The following PLEKHG1 variants were observed in gnomAD, a reference collection of about 807,000 sequenced individuals.
The protein encoded by PLEKHG1 is pleckstrin homology and RhoGEF domain containing G1.
PLEKHG1 carries 44 observed loss-of-function variants against 100.8 expected under a neutral mutation model. That is an observed-to-expected ratio of 0.44 (90% confidence interval 0.34 to 0.56). PLEKHG1 has a LOEUF of 0.56. PLEKHG1 is among the 20% of genes least tolerant of loss of function. The pLI is 0.01. For synonymous variants in PLEKHG1, 640 were observed against 662.5 expected (o/e 0.97, Z 0.52); for missense variants, 1,545 against 1,720.9 (o/e 0.90, Z 1.81).
intron 3 of PLEKHG1, among the ~76,000 whole-genome samples, chr6:150,691,072 T>C (rs1473037394): frequency 6.6e-6 from 1 of 152,236 alleles, no homozygotes; most frequent in Non-Finnish European, 1.5e-5. Context: ...ACAGTGAATA[T>C]AGCAGTGACT....
At chr6:150,697,610 C>G (rs1214005771) in intron 3 of PLEKHG1, among the ~76,000 whole-genome samples, 1 of 152,210 alleles carries the variant, frequency 6.6e-6, no homozygotes, top group Non-Finnish European at 1.5e-5. Context: ...GTTGGTCATT[C>G]AGAATTCAGA....
chr6:150,795,513 C>T (rs1036351004), intron 4 of PLEKHG1, among the ~76,000 whole-genome samples: 2 of 152,038 alleles, frequency 1.3e-5, no homozygotes, highest in Non-Finnish European at 2.9e-5. Flanking sequence ...CCCTCCCTGT[C>T]TACATACCTC....
intron 2 of PLEKHG1, among the ~76,000 whole-genome samples, chr6:150,748,615 CTTTTTTTTTTTT>C (rs746682669): frequency 8.5e-6 from 1 of 118,196 alleles, no homozygotes; most frequent in African/African-American, 3.4e-5. Context: ...TACCTTTGAC[CTTTTTTTTTTTT>C]TTTTTTTTTG....
intron 3 of PLEKHG1, among the ~76,000 whole-genome samples, chr6:150,778,615 C>A (rs1785122431): frequency 1.3e-5 from 2 of 152,066 alleles, no homozygotes; most frequent in Non-Finnish European, 2.9e-5. Flanking sequence ...TGTTTATTCA[C>A]ACTTATTAGT....
chr6:150,794,827 T>C (rs1786221013), intron 4 of PLEKHG1, among the ~76,000 whole-genome samples: 1 of 152,016 alleles, frequency 6.6e-6, no homozygotes, highest in Admixed American at 6.6e-5. Flanking sequence ...AACTTGGGGA[T>C]TTATTATACC....
intron 13 of PLEKHG1, among the ~76,000 whole-genome samples, chr6:150,823,288 A>G (rs1776407729): frequency 6.6e-6 from 1 of 152,228 alleles, no homozygotes. Flanking sequence ...TCAAAAAATC[A>G]GCAGAAACAA....
intron 2 of PLEKHG1, among the ~76,000 whole-genome samples, chr6:150,755,924 TGTG>T (rs1783813571): frequency 6.6e-6 from 1 of 152,170 alleles, no homozygotes; most frequent in African/African-American, 2.4e-5. Flanking sequence ...TTTTCCATCT[TGTG>T]GTAGATAGAA....
chr6:150,720,773 G>A (rs909193128), upstream of PLEKHG1, among the ~76,000 whole-genome samples: 1 of 152,220 alleles, frequency 6.6e-6, no homozygotes, highest in African/African-American at 2.4e-5. Context: ...ATTTTATGGA[G>A]TTTAATGAGA....
intron 3 of PLEKHG1, among the ~76,000 whole-genome samples, chr6:150,665,805 C>T (rs1283343290): frequency 6.6e-6 from 1 of 151,630 alleles, no homozygotes; most frequent in African/African-American, 2.4e-5. Flanking sequence ...TGGCATTTGT[C>T]CCTTTATTCC....
chr6:150,732,156 G>A (rs9478807), intron 1 of PLEKHG1, among the ~76,000 whole-genome samples: 28,533 of 151,804 alleles, frequency 0.19, 4,297 homozygotes, highest in African/African-American at 0.41. Context: ...TAGTAGAGAC[G>A]AGGTTTCACC....
intron 3 of PLEKHG1, among the ~76,000 whole-genome samples, chr6:150,695,714 AAAAC>A (rs1471934541): frequency 2.6e-5 from 4 of 152,222 alleles, no homozygotes; most frequent in East Asian, 3.9e-4. Flanking sequence ...AGTCAAAAGA[AAAAC>A]AAACAACAAA....
At chr6:150,680,882 A>T (rs1779907276) in intron 3 of PLEKHG1, among the ~76,000 whole-genome samples, 1 of 152,252 alleles carries the variant, frequency 6.6e-6, no homozygotes, top group African/African-American at 2.4e-5. Context: ...GGAGGAGGAC[A>T]CACTGAGAAT....
In PLEKHG1 at chr6:150,810,231, C is replaced by T. The variant is rs540768773; in HGVS notation, c.1278+497C>T. ...GGGAGGATCACCTGGGTCCGGGAGG[C>T]GGAGGTTGCAGTGAGCTGAGATTGC... is the stretch of plus-strand genomic sequence containing the variant. On this transcript the variant is annotated intron_variant, in intron 10 of 15. Coordinates refer to ENST00000358517, the Ensembl canonical transcript of PLEKHG1. Among the ~76,000 whole-genome samples the T allele has an allele frequency of 2.5e-4, 37 of 151,004 alleles. No homozygotes were observed. In the East Asian group the frequency reaches 4.3e-3, roughly 18 times the overall value.
At chr6:150,779,657 G>A (rs1224342575) in intron 3 of PLEKHG1, among the ~76,000 whole-genome samples, 2 of 147,156 alleles carry the variant, frequency 1.4e-5, no homozygotes, top group Non-Finnish European at 3.0e-5. Context: ...GCCAAGAAGT[G>A]TTTCTGTTGT....
intron 1 of PLEKHG1, among the ~76,000 whole-genome samples, chr6:150,728,791 G>A (rs2128614329): frequency 6.6e-6 from 1 of 152,020 alleles, no homozygotes; most frequent in Middle Eastern, 3.4e-3. Flanking sequence ...AGCTACTCAG[G>A]AGGCTGAGGC....
At chr6:150,794,152 GT>G (rs1786170087) in intron 4 of PLEKHG1, among the ~76,000 whole-genome samples, 1 of 152,118 alleles carries the variant, frequency 6.6e-6, no homozygotes, top group South Asian at 2.1e-4. Context: ...GCACAGTGTG[GT>G]TTCTTCAACT....
At chr6:150,842,150 CAAAG>C (rs769103228) in exon 16 of PLEKHG1, 6 of 152,246 alleles carry the variant, frequency 3.9e-5, no homozygotes, top group South Asian at 4.1e-4. Context: ...AAAGCAAAAT[CAAAG>C]AAGCTAAAGA....
chr6:150,824,091 G>A lies in PLEKHG1; in HGVS notation c.1470+415G>A, dbSNP rs543287110. Among the ~76,000 whole-genome samples, 7 of 152,332 alleles carry A rather than the reference G, an allele frequency of 4.6e-5. No homozygotes were observed. The South Asian group carries it at 1.0e-3, about 23-fold the overall frequency. Reference sequence around the variant, plus strand: ...AGCGCGAGCCTTCATTCACAAGGGCGAGGGGCCCCCTTCTAAGAATATGGT... The same window carrying A: ...AGCGCGAGCCTTCATTCACAAGGGCAAGGGGCCCCCTTCTAAGAATATGGT... On this transcript the variant is annotated intron_variant, in intron 14 of 15. Transcript: ENST00000358517.
At chr6:150,742,176 T>G (rs1210100199) in intron 2 of PLEKHG1, among the ~76,000 whole-genome samples, 5 of 152,316 alleles carry the variant, frequency 3.3e-5, no homozygotes, top group Middle Eastern at 3.4e-3. Context: ...TTCTGCAGGC[T>G]TTACAGGAAG....
Sources: allele counts gnomAD v4.1 joint callset (sites outside exome capture counted in the v4.1 genomes callset), GRCh38; gene constraint gnomAD v4.1.1; transcripts MANE v1.5; gene names NCBI Gene and HGNC (gene_info 2026-07-23, HGNC 2026-07-21).